The following ATRN variants were observed in gnomAD, a reference collection of about 807,000 sequenced individuals.
The protein encoded by ATRN is attractin-2.
In ATRN, 54 loss-of-function variants were observed where a neutral mutation model predicts 178.7. The ratio of observed to expected loss-of-function variants is 0.30; its 90% CI spans 0.24 to 0.38. The LOEUF is 0.38. ATRN is among the 10% of genes least tolerant of loss of function. The pLI, the probability that ATRN is intolerant of heterozygous loss-of-function variation, is 1.00. For missense variants in ATRN, 1,443 were observed against 1,815.1 expected, an observed-to-expected ratio of 0.79 and a Z score of 3.73; for synonymous variants, 636 against 663.0, an observed-to-expected ratio of 0.96 and a Z score of 0.63.
At position 3,540,202 on chromosome 20, in the gene ATRN, A is replaced by T; in HGVS notation, c.495-20A>T. The T allele has an allele frequency of 1.4e-6, 2 of 1,384,162 alleles. No homozygotes were observed. Among genetic ancestry groups the T allele is most frequent in the Non-Finnish European group, 2.0e-6 (2 of 997,312 alleles). The allele number at this position is 1,384,162 out of a possible 1,614,324, so 85.7% of individuals were successfully genotyped here. A position where few individuals can be genotyped will look rare whatever the true frequency, so the allele number is the denominator to read the frequency against. On this transcript the variant is annotated intron_variant, in intron 2 of 28. Transcript: ENST00000262919. ...AGTTGTGATAACTTTATTATAAATTACTTTTTTTATTCTTTTCAGGCCAAA... is the reference window on the plus strand; with the variant it reads ...AGTTGTGATAACTTTATTATAAATTTCTTTTTTTATTCTTTTCAGGCCAAA...
At chr20:3,472,867 A>C (rs1262095801) in intron 1 of ATRN, among the ~76,000 whole-genome samples, 1 of 152,234 alleles carries the variant, frequency 6.6e-6, no homozygotes, top group African/African-American at 2.4e-5. Flanking sequence ...TGGAGGCTGG[A>C]AAGTAAAGTT....
At chr20:3,578,518 C>A in intron 14 of ATRN, 64 bp from the exon 15 acceptor site, 1 of 1,418,156 alleles carries the variant, frequency 7.1e-7, no homozygotes, top group South Asian at 1.4e-5. Flanking sequence ...AATTTGAACT[C>A]ATAATACAGT....
intron 27 of ATRN, among the ~76,000 whole-genome samples, chr20:3,640,320 C>T (rs2087058352): frequency 6.6e-6 from 1 of 152,152 alleles, no homozygotes; most frequent in South Asian, 2.1e-4. Context: ...GAATGCAGCT[C>T]AGAGAGACAA....
At chr20:3,491,698 T>C (rs543150272) in intron 1 of ATRN, among the ~76,000 whole-genome samples, 21 of 152,250 alleles carry the variant, frequency 1.4e-4, no homozygotes, top group Non-Finnish European at 2.5e-4. Context: ...CCACTCAGGC[T>C]AGAAACCTGG....
chr20:3,501,883 G>A (rs994554369), intron 1 of ATRN, among the ~76,000 whole-genome samples: 2 of 152,158 alleles, frequency 1.3e-5, no homozygotes, highest in African/African-American at 2.4e-5. Context: ...AAGGGGCGCT[G>A]GAAAATACCT....
intron 24 of ATRN, among the ~76,000 whole-genome samples, chr20:3,607,626 A>G (rs1390112433): frequency 1.3e-5 from 2 of 152,180 alleles, no homozygotes; most frequent in African/African-American, 2.4e-5. Flanking sequence ...TCATTTGTTG[A>G]TGGACACGTA....
intron 6 of ATRN, among the ~76,000 whole-genome samples, chr20:3,552,202 A>AC (rs1339868793): frequency 6.6e-6 from 1 of 152,072 alleles, no homozygotes; most frequent in East Asian, 1.9e-4. Context: ...CCAGGGCTTA[A>AC]CCCTTGGTCC....
chr20:3,514,565 G>A (rs57391116), intron 1 of ATRN, among the ~76,000 whole-genome samples: 11,733 of 152,146 alleles, frequency 0.077, 576 homozygotes, highest in African/African-American at 0.13. Flanking sequence ...AGTATCATTC[G>A]CAACATTTAC....
chr20:3,508,625 G>T (rs2085080036), intron 1 of ATRN, among the ~76,000 whole-genome samples: 1 of 152,166 alleles, frequency 6.6e-6, no homozygotes, highest in Non-Finnish European at 1.5e-5. Context: ...ATCACCGGCA[G>T]CCTTACAGTA....
At chr20:3,615,255 C>T (rs2086827209) in intron 24 of ATRN, among the ~76,000 whole-genome samples, 1 of 151,682 alleles carries the variant, frequency 6.6e-6, no homozygotes, top group African/African-American at 2.4e-5. Flanking sequence ...ATAGTAAAAC[C>T]CTGTCTCTAC....
intron 1 of ATRN, among the ~76,000 whole-genome samples, chr20:3,472,512 C>G (rs1290044364): frequency 6.6e-6 from 1 of 152,114 alleles, no homozygotes; most frequent in Non-Finnish European, 1.5e-5. Flanking sequence ...GTGGGAGCAA[C>G]AGGCACTTAA....
At chr20:3,599,442 A>C (rs1208632809) in intron 22 of ATRN, among the ~76,000 whole-genome samples, 1 of 152,210 alleles carries the variant, frequency 6.6e-6, no homozygotes, top group African/African-American at 2.4e-5. Flanking sequence ...TTACGACAGA[A>C]TACTTACTAG....
intron 1 of ATRN, among the ~76,000 whole-genome samples, chr20:3,500,899 G>A (rs1042566071): frequency 2.6e-5 from 4 of 151,762 alleles, no homozygotes; most frequent in Admixed American, 2.0e-4. Flanking sequence ...TATGGAATAA[G>A]TGAATGTATA....
At chr20:3,532,908 G>A (rs1167137863) in intron 1 of ATRN, among the ~76,000 whole-genome samples, 3 of 151,994 alleles carry the variant, frequency 2.0e-5, no homozygotes, top group Admixed American at 6.6e-5. Context: ...GACTACAGGC[G>A]CCCACCACCA....
chr20:3,605,874 A>G (rs1173512183), intron 24 of ATRN, among the ~76,000 whole-genome samples: 1 of 152,194 alleles, frequency 6.6e-6, no homozygotes, highest in Non-Finnish European at 1.5e-5. Flanking sequence ...TAACAAACCT[A>G]TACATCCTGC....
chr20:3,594,032 G>T (rs896884200), intron 19 of ATRN, among the ~76,000 whole-genome samples: 1 of 152,116 alleles, frequency 6.6e-6, no homozygotes. Context: ...TGTGACCATC[G>T]TGGAGAAGGC....
chr20:3,584,245 A>G (rs149814575), intron 17 of ATRN, among the ~76,000 whole-genome samples, 162 bp downstream of exon 17: 2 of 152,288 alleles, frequency 1.3e-5, no homozygotes, highest in East Asian at 1.9e-4. Flanking sequence ...CTTGCTGCCT[A>G]TTGAGAACCT....
chr20:3,547,452 T>C lies in ATRN; in HGVS notation c.906T>C (p.Ser302=), dbSNP rs1335346186. The C allele has an allele frequency of 1.2e-6, 2 of 1,614,170 alleles. No individual in the cohort carries two copies. Among genetic ancestry groups the C allele is most frequent in the Non-Finnish European group, 1.7e-6 (2 of 1,179,984 alleles). ...CTCATCGAGGCATCTGCAATTCAAG[T>C]GATGTCAGAGGATGCTCCTGCTTCT... The part of the protein sequence containing the change: ...GFPHRGICNS[S]DVRGCSCFSD... The change falls in exon 5 of 29, where the codon AGT becomes AGC. Residue 302 remains serine, a synonymous_variant. Transcript: ENST00000262919.
At position 3,500,352 on chromosome 20, in the gene ATRN, A is replaced by G. The variant is rs867439192; in HGVS notation, c.410+28835A>G. Among the ~76,000 whole-genome samples the G allele has an allele frequency of 3.3e-4, 51 of 152,266 alleles. 1 individual carries two copies. The Middle Eastern group carries it at 0.017, about 51-fold the overall frequency. Reference sequence around the variant, plus strand: ...TTACTGGGTATATACCCAAAGGACTATATAAATCATGCTGCTATAAAGACA... The same window carrying G: ...TTACTGGGTATATACCCAAAGGACTGTATAAATCATGCTGCTATAAAGACA... On this transcript the variant is annotated intron_variant, in intron 1 of 28. Transcript: ENST00000262919.
Sources: gnomAD v4.1 joint callset for allele counts (sites outside exome capture counted in the v4.1 genomes callset) on GRCh38, gnomAD v4.1.1 for gene constraint, MANE v1.5 for transcripts, NCBI Gene and HGNC (gene_info 2026-07-23, HGNC 2026-07-21) for gene names.